THSD7A: variants seen among roughly 807,000 people sequenced by gnomAD.
THSD7A encodes thrombospondin type 1 domain containing 7A, also known as thrombospondin type-1 domain-containing protein 7A.
Under a neutral mutation model 231.3 loss-of-function variants are expected in THSD7A, and 96 were observed. The observed-to-expected ratio is 0.41, with a 90% CI of 0.35 to 0.49. THSD7A has a LOEUF of 0.49. THSD7A is among the 20% of genes least tolerant of loss of function. The pLI is 0.05. For synonymous variants in THSD7A, 940 were observed against 743.3 expected (o/e 1.26, Z -4.30); for missense variants, 2,290 against 2,070.2 (o/e 1.11, Z -2.06).
At chr7:11,795,648 T>C (rs181229353) in intron 1 of THSD7A, among the ~76,000 whole-genome samples, 33 of 152,134 alleles carry the variant, frequency 2.2e-4, no homozygotes, top group African/African-American at 7.7e-4. Context: ...ATAACTTGCA[T>C]ATAAAATTTA....
intron 1 of THSD7A, among the ~76,000 whole-genome samples, chr7:11,674,688 AG>A (rs1373111837): frequency 1.3e-5 from 2 of 152,142 alleles, no homozygotes; most frequent in Non-Finnish European, 2.9e-5. Context: ...AAAATCAAAA[AG>A]CAAGAAGCAT....
At chr7:11,575,976 G>T (rs1033649196) in intron 4 of THSD7A, among the ~76,000 whole-genome samples, 1 of 152,142 alleles carries the variant, frequency 6.6e-6, no homozygotes, top group South Asian at 2.1e-4. Context: ...AAATCATGGT[G>T]CTTCTCATTT....
chr7:11,656,485 G>A (rs1157851697), intron 1 of THSD7A, among the ~76,000 whole-genome samples: 2 of 151,654 alleles, frequency 1.3e-5, no homozygotes, highest in African/African-American at 2.4e-5. Context: ...GCTTGCAGTT[G>A]GATTATCTAG....
chr7:11,661,047 C>T (rs1782911420), intron 1 of THSD7A, among the ~76,000 whole-genome samples: 1 of 151,246 alleles, frequency 6.6e-6, no homozygotes, highest in African/African-American at 2.4e-5. Flanking sequence ...GTGAACAAAA[C>T]TTTTAGCAGG....
At chr7:11,554,170 C>G (rs7792687) in intron 4 of THSD7A, among the ~76,000 whole-genome samples, 3 of 151,944 alleles carry the variant, frequency 2.0e-5, no homozygotes, top group South Asian at 2.1e-4. Flanking sequence ...CTACCAGAAT[C>G]TCAGAATATA....
chr7:11,522,409 CA>C (rs1213238090), intron 6 of THSD7A, among the ~76,000 whole-genome samples: 1 of 152,152 alleles, frequency 6.6e-6, no homozygotes, highest in African/African-American at 2.4e-5. Flanking sequence ...TTGATTTCCA[CA>C]AGTTATCTTT....
At chr7:11,646,844 C>T (rs1267885841) in intron 1 of THSD7A, among the ~76,000 whole-genome samples, 2 of 151,944 alleles carry the variant, frequency 1.3e-5, no homozygotes, top group Non-Finnish European at 2.9e-5. Context: ...GGTTTATATG[C>T]AATAGTTTAT....
chr7:11,627,433 G>A (rs1781509953), intron 2 of THSD7A, among the ~76,000 whole-genome samples: 1 of 151,762 alleles, frequency 6.6e-6, no homozygotes, highest in Non-Finnish European at 1.5e-5. Context: ...ATATATATGT[G>A]TTGGTATATA....
chr7:11,460,351 AAAAC>A (rs58099419), intron 11 of THSD7A, among the ~76,000 whole-genome samples: 4,263 of 152,054 alleles, frequency 0.028, 94 homozygotes, highest in Admixed American at 0.051. Context: ...CCGTAATCTA[AAAAC>A]AAACAAACAA....
chr7:11,589,961 T>C (rs1209727803), intron 4 of THSD7A, among the ~76,000 whole-genome samples: 1 of 152,192 alleles, frequency 6.6e-6, no homozygotes, highest in East Asian at 1.9e-4. Context: ...TGCCTTTGGG[T>C]TAAAGTTTTC....
chr7:11,583,304 T>G (rs922428675), intron 4 of THSD7A, among the ~76,000 whole-genome samples: 2 of 152,118 alleles, frequency 1.3e-5, no homozygotes, highest in Non-Finnish European at 2.9e-5. Flanking sequence ...TGAGACAGGG[T>G]CTTTCTCTGC....
intron 4 of THSD7A, among the ~76,000 whole-genome samples, chr7:11,566,064 G>A (rs1241082200): frequency 6.6e-6 from 1 of 152,108 alleles, no homozygotes; most frequent in African/African-American, 2.4e-5. Context: ...ATAGCAGTAA[G>A]GCTTCTGGGA....
At position 11,543,039 on chromosome 7, in the gene THSD7A, G is replaced by A. The variant is rs141342018; in HGVS notation, c.1532C>T (p.Thr511Ile). The change falls in exon 5 of 28, where the codon ACT becomes ATT. Residue 511 changes from threonine (T) to isoleucine (I), a missense_variant. Thr to Ile is a moderately conservative substitution (Grantham distance 89, BLOSUM62 -1). Transcript: ENST00000423059. ...TGACCAAGGTGAAACTTCACATTCA[G>A]TTGGACAAGGAATGTGGCACAGCTG... is the stretch of plus-strand genomic sequence containing the variant. ...TTQLCHIPCPTECEVSPWSAW... is the reference protein window; with the variant it reads ...TTQLCHIPCPIECEVSPWSAW... 1.7e-4 allele frequency: 275 copies of A among 1,613,732 alleles called. No homozygotes were observed. In the African/African-American group the frequency reaches 2.9e-3, roughly 17 times the overall value.
chr7:11,377,262 AT>A lies in THSD7A; in HGVS notation c.4802-606del, dbSNP rs991477821. Among the ~76,000 whole-genome samples, 6 of 151,850 alleles carry A rather than the reference AT, an allele frequency of 4.0e-5. No individual in the cohort carries two copies. The highest frequency in any genetic ancestry group is 9.7e-5 in the African/African-American group (4 of 41,376). Reference sequence around the variant, plus strand: ...TAACATATAAAAGGATCTATAAATAATTTTTTTTCTACCTTTTCTATTATAT... The same window carrying A: ...TAACATATAAAAGGATCTATAAATAATTTTTTTCTACCTTTTCTATTATAT... On this transcript the variant is annotated intron_variant, in intron 26 of 27. Coordinates refer to ENST00000423059, the MANE Select transcript of THSD7A (RefSeq NM_015204.3). The surrounding 1 kb of genome is among the most constrained non-coding windows in gnomAD (Gnocchi z 4.5).
chr7:11,814,451 G>C lies in THSD7A; in HGVS notation c.190+17306C>G, dbSNP rs942103329. On this transcript the variant is annotated intron_variant, in intron 1 of 27. Transcript: ENST00000423059. This position sits in a 1 kb window ranked among gnomAD's most constrained non-coding sequence, Gnocchi z 5.1. ...ACTCAAAATAATTTAGCTTTTAGAC[G>C]ATGCTATCAGGGTAGAAAATTACCT... is the stretch of plus-strand genomic sequence containing the variant. 6.6e-6 allele frequency among the ~76,000 whole-genome samples: 1 copy of C among 151,984 alleles called. No individual in the cohort carries two copies. Among genetic ancestry groups the C allele is most frequent in the Non-Finnish European group, 1.5e-5 (1 of 68,010 alleles).
chr7:11,723,737 G>C (rs1171585407), intron 1 of THSD7A, among the ~76,000 whole-genome samples: 6 of 151,972 alleles, frequency 3.9e-5, no homozygotes, highest in Non-Finnish European at 8.8e-5. Context: ...GAAATAGCAA[G>C]TTCAAAGGTT....
rs1786053945 is a variant in THSD7A, at chr7:11,474,272, C to G, written c.2252+62G>C. The G allele has an allele frequency of 2.2e-6, 3 of 1,390,048 alleles. No individual in the cohort carries two copies. Among genetic ancestry groups the G allele is most frequent in the Non-Finnish European group, 3.0e-6 (3 of 1,007,896 alleles). The allele number at this position is 1,390,048 out of a possible 1,614,324, so 86.1% of individuals were successfully genotyped here. A position where few individuals can be genotyped will look rare whatever the true frequency, so the allele number is the denominator to read the frequency against. Reference sequence around the variant, plus strand: ...GTTCCATTTCATGAAGCCAGTGAAGCCTGAGCCAATCCTCTGCACAGGTGG... The same window carrying G: ...GTTCCATTTCATGAAGCCAGTGAAGGCTGAGCCAATCCTCTGCACAGGTGG... On this transcript the variant is annotated intron_variant, in intron 8 of 27. Coordinates refer to ENST00000423059, the MANE Select transcript of THSD7A (RefSeq NM_015204.3). The surrounding 1 kb of genome is among the most constrained non-coding windows in gnomAD (Gnocchi z 4.1).
chr7:11,599,076 C>A (rs546558809), intron 2 of THSD7A, among the ~76,000 whole-genome samples: 1 of 152,080 alleles, frequency 6.6e-6, no homozygotes, highest in Non-Finnish European at 1.5e-5. Context: ...TCCATTAGGG[C>A]GTCCCTTAGT....
intron 1 of THSD7A, among the ~76,000 whole-genome samples, chr7:11,760,043 G>A (rs1408972540): frequency 6.6e-6 from 1 of 151,984 alleles, no homozygotes; most frequent in Non-Finnish European, 1.5e-5. Flanking sequence ...ACACAAGTTG[G>A]GAGGGGTGGT....
Sources: gnomAD v4.1 joint callset for allele counts (sites outside exome capture counted in the v4.1 genomes callset) on GRCh38, gnomAD v4.1.1 for gene constraint, Gnocchi (gnomAD v3.1) non-coding constraint, MANE v1.5 for transcripts, NCBI Gene and HGNC (gene_info 2026-07-23, HGNC 2026-07-21) for gene names.